ITSN2: variants seen among roughly 807,000 people sequenced by gnomAD.
ITSN2 encodes intersectin 2, also known as intersectin-2.
A neutral mutation model predicts 243.7 loss-of-function variants in ITSN2; 156 were observed. That is an observed-to-expected ratio of 0.64 (90% CI 0.56 to 0.73). ITSN2 has a LOEUF of 0.73. Ranked by LOEUF, ITSN2 falls within the 30% of genes least tolerant of loss-of-function variation. The probability of loss-of-function intolerance (pLI) is 0.00; values close to 1 mark genes in which losing one functional copy is unlikely to be tolerated. For synonymous variants in ITSN2, 703 were observed against 699.9 expected (o/e 1.00, Z -0.07); for missense variants, 1,801 against 1,996.1 (o/e 0.90, Z 1.86).
At chr2:24,319,042 T>A (rs1378959716) in intron 2 of ITSN2, among the ~76,000 whole-genome samples, 1 of 152,154 alleles carries the variant, frequency 6.6e-6, no homozygotes, top group Admixed American at 6.5e-5. Context: ...AGCAGTTTCA[T>A]CCTAAAACCA....
intron 13 of ITSN2, among the ~76,000 whole-genome samples, chr2:24,297,433 G>T (rs1428403056): frequency 6.6e-6 from 1 of 152,144 alleles, no homozygotes; most frequent in Non-Finnish European, 1.5e-5. Flanking sequence ...CATCTGATTG[G>T]TAAAAACTGC....
intron 3 of ITSN2, among the ~76,000 whole-genome samples, chr2:24,314,632 T>C (rs190885440): frequency 8.9e-4 from 136 of 152,276 alleles, no homozygotes; most frequent in African/African-American, 3.2e-3. Flanking sequence ...CTAAGCTACT[T>C]TGGCACAGAA....
chr2:24,257,050 C>T (rs1460494565), intron 23 of ITSN2, among the ~76,000 whole-genome samples: 1 of 152,176 alleles, frequency 6.6e-6, no homozygotes, highest in African/African-American at 2.4e-5. Context: ...GGTGAGGTGG[C>T]TCACACCTGT....
In ITSN2 at chr2:24,316,429, C is replaced by T. The variant is rs562797661; in HGVS notation, c.32-1205G>A. On this transcript the variant is annotated intron_variant, in intron 2 of 39. Coordinates refer to ENST00000355123, the MANE Select transcript of ITSN2 (RefSeq NM_006277.3). ...CCAAGTAGCTGGGACTACAGGCATGCGCCACCACACACCCGGCTAATTTTT... is the reference window on the plus strand; with the variant it reads ...CCAAGTAGCTGGGACTACAGGCATGTGCCACCACACACCCGGCTAATTTTT... Among the ~76,000 whole-genome samples the T allele has an allele frequency of 9.2e-5, 14 of 152,136 alleles. No homozygotes were observed. In the South Asian group the frequency reaches 2.3e-3, roughly 25 times the overall value.
intron 7 of ITSN2, 156 bp from the exon 8 acceptor site, chr2:24,308,912 G>A (rs1682894888): frequency 1.7e-6 from 1 of 602,624 alleles, no homozygotes; most frequent in Non-Finnish European, 3.1e-6. Context: ...GGGGCTCGGT[G>A]AGTGGCAGGT....
intron 1 of ITSN2, among the ~76,000 whole-genome samples, chr2:24,350,765 A>T (rs1687947284): frequency 6.6e-6 from 1 of 152,236 alleles, no homozygotes; most frequent in Non-Finnish European, 1.5e-5. Flanking sequence ...TATATTGTAT[A>T]ATTCCATTTA....
intron 17 of ITSN2, among the ~76,000 whole-genome samples, chr2:24,282,394 A>G (rs1372873419): frequency 2.0e-5 from 3 of 152,106 alleles, no homozygotes; most frequent in Non-Finnish European, 4.4e-5. Flanking sequence ...TGGCTCCCCC[A>G]TCTGCTGAGA....
chr2:24,355,781 C>T (rs1688390605), intron 1 of ITSN2, among the ~76,000 whole-genome samples: 1 of 152,232 alleles, frequency 6.6e-6, no homozygotes, highest in Admixed American at 6.5e-5. Flanking sequence ...AAACTATCAT[C>T]AGGCTGGGTG....
chr2:24,217,593 G>C (rs1248876020), intron 31 of ITSN2, among the ~76,000 whole-genome samples: 1 of 152,192 alleles, frequency 6.6e-6, no homozygotes, highest in East Asian at 1.9e-4. Context: ...GCCGTGAGCT[G>C]CAGCTCTCCT....
chr2:24,338,003 C>T (rs1055019754), intron 1 of ITSN2, among the ~76,000 whole-genome samples: 1 of 152,124 alleles, frequency 6.6e-6, no homozygotes, highest in African/African-American at 2.4e-5. Flanking sequence ...AATGGACTTC[C>T]TTCTCATCCA....
At position 24,310,371 on chromosome 2, in the gene ITSN2, T is replaced by G. The variant is rs374136596; in HGVS notation, c.566A>C (p.His189Pro). 1.2e-6 allele frequency: 2 copies of G among 1,613,024 alleles called. No individual in the cohort carries two copies. Among genetic ancestry groups the G allele is most frequent in the Non-Finnish European group, 1.7e-6 (2 of 1,179,564 alleles). Residue 189 changes from histidine (H) to proline (P), a missense_variant, in exon 7 of 40, where the codon CAT becomes CCT. Coordinates refer to ENST00000355123, the MANE Select transcript of ITSN2 (RefSeq NM_006277.3). Reference protein sequence around the residue: ...PIPYSSSTLPHGSSYSLMMGG... With the variant: ...PIPYSSSTLPPGSSYSLMMGG... ...CATCATCAGACTATAAGATGACCCA[T>G]GAGGCAATGCTAAAAAAGAAAAAGA...
intron 2 of ITSN2, among the ~76,000 whole-genome samples, chr2:24,315,621 C>T (rs746573910): frequency 9.2e-5 from 14 of 152,176 alleles, no homozygotes; most frequent in Admixed American, 2.0e-4. Flanking sequence ...AACCTCATTT[C>T]GAACTGTAAT....
chr2:24,265,495 T>G (rs1338573691), intron 20 of ITSN2, among the ~76,000 whole-genome samples: 1 of 151,804 alleles, frequency 6.6e-6, no homozygotes, highest in Non-Finnish European at 1.5e-5. Flanking sequence ...GCTTAATAGA[T>G]TCTATGGGAC....
chr2:24,275,609 G>C, intron 18 of ITSN2, 104 bp downstream of exon 18: 1 of 878,726 alleles, frequency 1.1e-6, no homozygotes. Context: ...ATCTGATTAG[G>C]ATAATCCCTT....
chr2:24,319,421 G>A (rs990555534), intron 2 of ITSN2, among the ~76,000 whole-genome samples: 3 of 152,048 alleles, frequency 2.0e-5, no homozygotes, highest in Non-Finnish European at 4.4e-5. Flanking sequence ...CTAAATTGTT[G>A]GAAGCACCTT....
intron 39 of ITSN2, 149 bp from the exon 40 acceptor site, chr2:24,203,932 G>A: frequency 1.3e-6 from 1 of 773,188 alleles, no homozygotes; most frequent in South Asian, 1.8e-5. Context: ...GTGAGTGGGT[G>A]TGTGGGGAAT....
intron 2 of ITSN2, among the ~76,000 whole-genome samples, chr2:24,319,923 T>G (rs1023745876): frequency 6.6e-6 from 1 of 152,232 alleles, no homozygotes; most frequent in Non-Finnish European, 1.5e-5. Flanking sequence ...ACTTCCTCAG[T>G]CCTGGAAGGC....
At position 24,205,077 on chromosome 2, in the gene ITSN2, G is replaced by A. The variant is rs182180598; in HGVS notation, c.4762+137C>T. On this transcript the variant is annotated intron_variant, in intron 38 of 39. Coordinates refer to ENST00000355123, the MANE Select transcript of ITSN2 (RefSeq NM_006277.3). ...CTTGAGAATCACTTGTACCCCAGAGGCAGAGGTTGCAGTGAGCCAAGATCG... is the reference window on the plus strand; with the variant it reads ...CTTGAGAATCACTTGTACCCCAGAGACAGAGGTTGCAGTGAGCCAAGATCG... The A allele has an allele frequency of 3.3e-4, 209 of 637,740 alleles. 2 individuals are homozygous for A. The Admixed American group carries it at 4.6e-3, about 14-fold the overall frequency. 39.5% of individuals were successfully genotyped at this position (637,740 alleles called of 1,614,324 possible).
At position 24,310,334 on chromosome 2, in the gene ITSN2, T is replaced by G. The variant is rs1169155035; in HGVS notation, c.603A>C (p.Gly201=). The G allele has an allele frequency of 6.2e-7, 1 of 1,613,400 alleles. No individual in the cohort carries two copies. Among genetic ancestry groups the G allele is most frequent in the Non-Finnish European group, 8.5e-7 (1 of 1,179,894 alleles). ...SSYSLMMGGF[G]GASIQKAQSL... ...ACTGCGCTTTCTGTATACTAGCACC[T>G]CCAAATCCTCCCATCATCAGACTAT... Residue 201 remains glycine, a synonymous_variant, in exon 7 of 40, where the codon GGA becomes GGC. Transcript: ENST00000355123.
Sources: allele counts gnomAD v4.1 joint callset (sites outside exome capture counted in the v4.1 genomes callset), GRCh38; gene constraint gnomAD v4.1.1; transcripts MANE v1.5; gene names NCBI Gene and HGNC (gene_info 2026-07-23, HGNC 2026-07-21).